Variants in SYNE1 observed in about 807,000 individuals in gnomAD.
The protein encoded by SYNE1 is nesprin-1.
SYNE1 carries 616 observed loss-of-function variants against 1,111.0 expected under a neutral mutation model. The ratio of observed to expected loss-of-function variants is 0.55; its 90% CI spans 0.52 to 0.59. The LOEUF (loss-of-function observed/expected upper bound fraction) is 0.59. SYNE1 is among the 20% of genes least tolerant of loss of function. The pLI is 0.00. For synonymous variants in SYNE1, 3,855 were observed against 3,825.8 expected (o/e 1.01, Z -0.28); for missense variants, 10,006 against 10,417.0 (o/e 0.96, Z 1.72).
chr6:152,569,702 A>ACT (rs1459899046), intron 3 of SYNE1, among the ~76,000 whole-genome samples: 4 of 152,104 alleles, frequency 2.6e-5, no homozygotes, highest in Non-Finnish European at 2.9e-5. Flanking sequence ...ACTCTCAAAT[A>ACT]CTCTGCCAGT....
At chr6:152,450,476 A>C in intron 27 of SYNE1, 149 bp downstream of exon 27, 1 of 887,430 alleles carries the variant, frequency 1.1e-6, no homozygotes. Flanking sequence ...GATTCTGACT[A>C]AAATCCATTC....
rs147414360 is a variant in SYNE1 at position 152,140,907 on chromosome 6, C to T, written c.25246+296G>A. Among the ~76,000 whole-genome samples, 1,228 of 152,154 alleles carry T rather than the reference C, an allele frequency of 8.1e-3. 6 individuals carry two copies. The highest frequency in any genetic ancestry group is 0.041 in the Middle Eastern group (12 of 294). ...AAATTTAGCTGGGCGTGGTGGCGGG[C>T]GCCTGTAGTCCCAGCTACTCGGGAG... On this transcript the variant is annotated intron_variant, in intron 139 of 145. Transcript: ENST00000367255.
chr6:152,479,377 C>T (rs1354349704), intron 14 of SYNE1, among the ~76,000 whole-genome samples: 1 of 152,166 alleles, frequency 6.6e-6, no homozygotes, highest in Non-Finnish European at 1.5e-5. Context: ...AGCCTAATGG[C>T]TACTTTCATG....
At chr6:152,575,972 G>T (rs915221209) in intron 3 of SYNE1, among the ~76,000 whole-genome samples, 2 of 152,176 alleles carry the variant, frequency 1.3e-5, no homozygotes, top group African/African-American at 4.8e-5. Context: ...TCTGGGAAAC[G>T]GCTATTGCAT....
At chr6:152,568,775 G>C (rs973997302) in intron 3 of SYNE1, among the ~76,000 whole-genome samples, 7 of 152,092 alleles carry the variant, frequency 4.6e-5, no homozygotes, top group Admixed American at 4.6e-4. Flanking sequence ...ACCTGGCTTA[G>C]AATTTTAAAT....
Position 152,281,956 on chromosome 6 carries a change from C to T in SYNE1, c.18232G>A (p.Glu6078Lys), listed in dbSNP as rs769008190. The change falls in exon 97 of 146, where the codon GAA becomes AAA. Residue 6078 changes from glutamate (E) to lysine (K), a missense_variant. This residue lies in a region of SYNE1 where 99 missense variants were observed against 147.8 expected (regional missense o/e 0.67). Coordinates refer to ENST00000367255, the MANE Select transcript of SYNE1 (RefSeq NM_182961.4). The part of the protein sequence containing the change: ...LEEKLNDQLE[E>K]QRQEQALQRY... ...TGCAGGGCCTGTTCCTGCCTTTGTTCCTCCAGCTGATCATTCAACTTCTCC... is the reference window on the plus strand; with the variant it reads ...TGCAGGGCCTGTTCCTGCCTTTGTTTCTCCAGCTGATCATTCAACTTCTCC... 6.8e-6 allele frequency: 11 copies of T among 1,614,042 alleles called. No individual in the cohort carries two copies. In the East Asian group the frequency reaches 2.5e-4, roughly 36 times the overall value.
chr6:152,627,559 G>A (rs1024009805), intron 3 of SYNE1, among the ~76,000 whole-genome samples: 4 of 152,126 alleles, frequency 2.6e-5, no homozygotes, highest in South Asian at 2.1e-4. Context: ...TTGTGAGGCT[G>A]AGGGAGGAGA....
At chr6:152,352,822 T>C (rs1433546551) in intron 69 of SYNE1, among the ~76,000 whole-genome samples, 1 of 152,238 alleles carries the variant, frequency 6.6e-6, no homozygotes, top group Admixed American at 6.5e-5. Context: ...TCAGGAACCT[T>C]GGCTTCTTTA....
chr6:152,507,024 C>G, intron 8 of SYNE1, among the ~76,000 whole-genome samples: 1 of 152,128 alleles, frequency 6.6e-6, no homozygotes, highest in Non-Finnish European at 1.5e-5. Context: ...TTATGAGACT[C>G]CAGAAATTGT....
chr6:152,319,099 G>A, intron 84 of SYNE1, 84 bp from the exon 85 acceptor site: 1 of 1,563,662 alleles, frequency 6.4e-7, no homozygotes. Flanking sequence ...ATGTTGACAA[G>A]ACACATTTTA....
intron 16 of SYNE1, 150 bp from the exon 17 acceptor site, chr6:152,466,228 A>C: frequency 7.9e-6 from 5 of 630,542 alleles, no homozygotes; most frequent in Non-Finnish European, 1.2e-5. Context: ...CCACTGCTAC[A>C]AATTACCTAA....
chr6:152,196,284 C>G (rs2074092851), intron 127 of SYNE1, among the ~76,000 whole-genome samples: 1 of 152,106 alleles, frequency 6.6e-6, no homozygotes, highest in Non-Finnish European at 1.5e-5. Context: ...TGTTGCTATG[C>G]TGGTACCTAA....
chr6:152,400,592 G>A (rs1415653302), intron 47 of SYNE1, among the ~76,000 whole-genome samples: 1 of 152,122 alleles, frequency 6.6e-6, no homozygotes, highest in Non-Finnish European at 1.5e-5. Flanking sequence ...CAACCTGGGA[G>A]GGGAGGTTGC....
Position 152,326,076 on chromosome 6 carries a change from T to C in SYNE1, c.15320A>G (p.Gln5107Arg). Residue 5107 changes from glutamine (Q) to arginine (R), a missense_variant, in exon 80 of 146, where the codon CAG (glutamine) becomes CGG (arginine). Physicochemically the swap from Gln to Arg is conservative, Grantham distance 43. Around this residue, in one of 7 missense-constraint regions of SYNE1, gnomAD observed 4,955 missense variants for 5,017.2 expected, o/e 0.99. Coordinates refer to ENST00000367255, the MANE Select transcript of SYNE1 (RefSeq NM_182961.4). ...TTCAATAACCTCTTCCCTTGCTTTC[T>C]GGTAATCGTGCCATTGAGCTGTGCA... ...QRCTAQWHDY[Q>R]KAREEVIELM... 1 of 1,614,172 alleles carries C rather than the reference T, an allele frequency of 6.2e-7. No individual in the cohort carries two copies. Among genetic ancestry groups the C allele is most frequent in the Admixed American group, 1.7e-5 (1 of 60,028 alleles).
chr6:152,362,072 G>T lies in SYNE1; in HGVS notation c.10299+98C>A, dbSNP rs534253249. Reference sequence around the variant, plus strand: ...AGCCCCAAACGTAATTTGCTTATGTGCACTGCCCTAGGGTACACGTAATCC... The same window carrying T: ...AGCCCCAAACGTAATTTGCTTATGTTCACTGCCCTAGGGTACACGTAATCC... On this transcript the variant is annotated intron_variant, in intron 64 of 145. Transcript: ENST00000367255. 54 of 1,529,106 alleles carry T rather than the reference G, an allele frequency of 3.5e-5. 1 individual carries two copies. The South Asian group carries it at 6.1e-4, about 17-fold the overall frequency. The allele number at this position is 1,529,106 out of a possible 1,614,324, so 94.7% of individuals were successfully genotyped here. A position where few individuals can be genotyped will look rare whatever the true frequency, so the allele number is the denominator to read the frequency against.
intron 14 of SYNE1, among the ~76,000 whole-genome samples, chr6:152,478,957 G>C (rs918356976): frequency 2.0e-5 from 3 of 152,146 alleles, no homozygotes; most frequent in African/African-American, 7.2e-5. Flanking sequence ...GGATGAGTGG[G>C]GCTTTTACAT....
chr6:152,281,094 T>C (rs1302137562), intron 97 of SYNE1, among the ~76,000 whole-genome samples: 3 of 152,176 alleles, frequency 2.0e-5, no homozygotes, highest in Non-Finnish European at 4.4e-5. Flanking sequence ...TCCTAGTTAA[T>C]AAAATGAAAA....
chr6:152,306,999 G>C (rs2095402031), intron 91 of SYNE1, among the ~76,000 whole-genome samples: 1 of 149,308 alleles, frequency 6.7e-6, no homozygotes, highest in South Asian at 2.1e-4. Context: ...CTCCAGAAAA[G>C]ATTTTAAAAA....
intron 3 of SYNE1, among the ~76,000 whole-genome samples, chr6:152,618,798 C>T (rs1050215453): frequency 6.6e-6 from 1 of 152,146 alleles, no homozygotes; most frequent in Non-Finnish European, 1.5e-5. Flanking sequence ...CAGTCACCAA[C>T]TTCTTTGAGA....
Sources: allele counts gnomAD v4.1 joint callset (sites outside exome capture counted in the v4.1 genomes callset), GRCh38; gene constraint gnomAD v4.1.1; regional missense constraint gnomAD v4.1.1; transcripts MANE v1.5; gene names NCBI Gene and HGNC (gene_info 2026-07-23, HGNC 2026-07-21).